UNC5D: variants seen among roughly 807,000 people sequenced by gnomAD.
UNC5D encodes the protein netrin receptor UNC5D.
Under a neutral mutation model 105.4 loss-of-function variants are expected in UNC5D, and 39 were observed. The ratio of observed to expected loss-of-function variants is 0.37; its 90% confidence interval spans 0.29 to 0.48. UNC5D has a LOEUF of 0.48. UNC5D is among the 20% of genes least tolerant of loss of function. The pLI is 0.98. For missense variants in UNC5D, 991 were observed against 1,202.4 expected, an observed-to-expected ratio of 0.82 and a Z score of 2.60; for synonymous variants, 452 against 450.4, an observed-to-expected ratio of 1.00 and a Z score of -0.04.
At chr8:35,430,790 C>A (rs1281184875) in intron 1 of UNC5D, among the ~76,000 whole-genome samples, 1 of 152,074 alleles carries the variant, frequency 6.6e-6, no homozygotes, top group Non-Finnish European at 1.5e-5. Context: ...ACAGATAACC[C>A]CTATCAGCTC....
At chr8:35,520,794 A>T (rs1210863764) in intron 1 of UNC5D, among the ~76,000 whole-genome samples, 1 of 152,176 alleles carries the variant, frequency 6.6e-6, no homozygotes, top group Non-Finnish European at 1.5e-5. Context: ...GAGGTTCATT[A>T]TAGAACCACT....
chr8:35,538,817 G>C (rs566456607), intron 1 of UNC5D, among the ~76,000 whole-genome samples: 1 of 152,136 alleles, frequency 6.6e-6, no homozygotes, highest in Admixed American at 6.6e-5. Flanking sequence ...TGGGATGTAG[G>C]CCAAAAAACA....
chr8:35,593,055 A>C, intron 3 of UNC5D, among the ~76,000 whole-genome samples: 1 of 148,708 alleles, frequency 6.7e-6, no homozygotes, highest in East Asian at 2.2e-4. Context: ...ATACACACAC[A>C]CACACACACA....
chr8:35,494,650 A>C (rs1325782358), intron 1 of UNC5D, among the ~76,000 whole-genome samples: 3 of 152,216 alleles, frequency 2.0e-5, no homozygotes, highest in Admixed American at 6.5e-5. Flanking sequence ...CAGGATTCTA[A>C]TTCTGAAAGC....
At chr8:35,484,933 T>A (rs953346) in intron 1 of UNC5D, among the ~76,000 whole-genome samples, 2 of 152,102 alleles carry the variant, frequency 1.3e-5, no homozygotes, top group South Asian at 4.1e-4. Flanking sequence ...AACCCAGGAT[T>A]TCTAACTCCA....
intron 1 of UNC5D, among the ~76,000 whole-genome samples, chr8:35,494,459 T>C (rs1237070879): frequency 6.6e-6 from 1 of 152,214 alleles, no homozygotes; most frequent in African/African-American, 2.4e-5. Flanking sequence ...TGCTACAATA[T>C]TTTTTGTTAC....
At chr8:35,507,525 G>A (rs1252501346) in intron 1 of UNC5D, among the ~76,000 whole-genome samples, 1 of 151,940 alleles carries the variant, frequency 6.6e-6, no homozygotes, top group Non-Finnish European at 1.5e-5. Flanking sequence ...ATTTTCGTGG[G>A]TCTTGGTTAT....
chr8:35,785,383 G>T (rs1802697278), intron 16 of UNC5D, among the ~76,000 whole-genome samples: 1 of 152,048 alleles, frequency 6.6e-6, no homozygotes, highest in Admixed American at 6.6e-5. Context: ...ATATTGAGAT[G>T]AAGTCTTGCT....
In UNC5D at chr8:35,751,847, G is replaced by A. The variant is rs73576277; in HGVS notation, c.2163+1038G>A. On this transcript the variant is annotated intron_variant, in intron 13 of 16. Coordinates refer to ENST00000404895, the MANE Select transcript of UNC5D (RefSeq NM_080872.4). The stretch of plus-strand genomic sequence containing the variant: ...TCAACAAACAAACACAGACACAAAC[G>A]GAGAAGAGTTTTTGGGAACTCTTTT... 3.4e-3 allele frequency among the ~76,000 whole-genome samples: 524 copies of A among 152,268 alleles called. 4 individuals are homozygous for A. The highest frequency in any genetic ancestry group is 0.012 in the African/African-American group (501 of 41,548).
intron 8 of UNC5D, among the ~76,000 whole-genome samples, chr8:35,715,390 G>A (rs1828200748): frequency 6.6e-6 from 1 of 152,100 alleles, no homozygotes; most frequent in Non-Finnish European, 1.5e-5. Context: ...TGGAAGACAA[G>A]CTTGCTTTTT....
chr8:35,319,813 A>AT (rs1349038246), intron 1 of UNC5D, among the ~76,000 whole-genome samples: 1 of 152,010 alleles, frequency 6.6e-6, no homozygotes, highest in African/African-American at 2.4e-5. Context: ...GAGAAAAAAA[A>AT]AAAGCAAGCT....
chr8:35,619,830 C>A (rs1489874006), intron 4 of UNC5D, among the ~76,000 whole-genome samples: 1 of 152,128 alleles, frequency 6.6e-6, no homozygotes, highest in Non-Finnish European at 1.5e-5. Flanking sequence ...TTAGCAAGTC[C>A]AGGTCTGTCT....
intron 1 of UNC5D, among the ~76,000 whole-genome samples, chr8:35,547,858 A>G (rs1049809852): frequency 5.3e-5 from 8 of 152,252 alleles, no homozygotes; most frequent in African/African-American, 1.9e-4. Flanking sequence ...TTTCTTAATG[A>G]GTATTGACTC....
At chr8:35,314,965 T>A (rs1403040709) in intron 1 of UNC5D, among the ~76,000 whole-genome samples, 1 of 152,044 alleles carries the variant, frequency 6.6e-6, no homozygotes, top group African/African-American at 2.4e-5. Flanking sequence ...CTAAGAGAAT[T>A]AGGAGTTTAT....
chr8:35,550,425 T>C (rs773378208), intron 2 of UNC5D, among the ~76,000 whole-genome samples: 5 of 152,192 alleles, frequency 3.3e-5, no homozygotes, highest in Non-Finnish European at 2.9e-5. Flanking sequence ...CGTTAGATTG[T>C]TGATTTTTTT....
At chr8:35,383,669 G>A (rs539280541) in intron 1 of UNC5D, among the ~76,000 whole-genome samples, 3 of 152,186 alleles carry the variant, frequency 2.0e-5, no homozygotes, top group Non-Finnish European at 4.4e-5. Context: ...GAACAGGTGG[G>A]CTTTACAATT....
chr8:35,600,681 T>C (rs1332493219), intron 4 of UNC5D, among the ~76,000 whole-genome samples: 5 of 152,192 alleles, frequency 3.3e-5, no homozygotes, highest in Non-Finnish European at 7.3e-5. Context: ...TTGAGTTCAT[T>C]GTAGATTCTG....
rs149413189 is a variant in UNC5D, at chr8:35,408,760, A to G, written c.104-140532A>G. Among the ~76,000 whole-genome samples, 329 of 151,998 alleles carry G rather than the reference A, an allele frequency of 2.2e-3. 2 individuals are homozygous for G. The highest frequency in any genetic ancestry group is 0.01 in the East Asian group (54 of 5,166). On this transcript the variant is annotated intron_variant, in intron 1 of 16. Transcript: ENST00000404895. ...AACCATATGTGGGTACATAGAGATT[A>G]AAAAGAAAAAAAAAACTACTACCAA...
At position 35,652,915 on chromosome 8, in the gene UNC5D, A is replaced by ATTT. The variant is rs34611902; in HGVS notation, c.571-30605_571-30603dup. Among the ~76,000 whole-genome samples the ATTT allele has an allele frequency of 3.3e-3, 161 of 49,162 alleles. 33 individuals are homozygous for ATTT. Among genetic ancestry groups the ATTT allele is most frequent in the African/African-American group, 0.011 (119 of 10,712 alleles). 32.3% of individuals were successfully genotyped at this position (49,162 alleles called of 152,430 possible). The stretch of plus-strand genomic sequence containing the variant: ...GTCTTCATTTTCACTACAAGTGAGG[A>ATTT]TTTTTTTTTTTTTTTTTTTTTTTTT... On this transcript the variant is annotated intron_variant, in intron 4 of 16. Coordinates refer to ENST00000404895, the MANE Select transcript of UNC5D (RefSeq NM_080872.4).
Sources: gnomAD v4.1 joint callset for allele counts (sites outside exome capture counted in the v4.1 genomes callset) on GRCh38, gnomAD v4.1.1 for gene constraint, MANE v1.5 for transcripts, NCBI Gene and HGNC (gene_info 2026-07-23, HGNC 2026-07-21) for gene names.